CHM: variants seen among roughly 807,000 people sequenced by gnomAD.
CHM encodes CHM Rab escort protein, also known as rab proteins geranylgeranyltransferase component A 1.
Under a neutral mutation model 49.0 loss-of-function variants are expected in CHM, and 10 were observed. The observed-to-expected ratio is 0.20, with a 90% CI of 0.13 to 0.35. The LOEUF (loss-of-function observed/expected upper bound fraction) is 0.35, where lower values mean the gene tolerates loss of function less well. Ranked by LOEUF, CHM falls within the 10% of genes least tolerant of loss-of-function variation. The pLI is 1.00. For synonymous variants in CHM, 184 were observed against 167.5 expected (o/e 1.10, Z -0.76); for missense variants, 455 against 478.4 (o/e 0.95, Z 0.46).
intron 2 of CHM, among the ~76,000 whole-genome samples, chrX:85,983,731 A>G (rs573817818): frequency 1.8e-5 from 2 of 112,163 alleles, no homozygotes; most frequent in African/African-American, 6.5e-5. Context: ...ATATATAAGT[A>G]ATAAATATAT....
At chrX:85,911,758 T>A (rs1163627426) in intron 8 of CHM, among the ~76,000 whole-genome samples, 1 of 111,386 alleles carries the variant, frequency 9.0e-6, no homozygotes. Context: ...TCCTAGATAT[T>A]TTACTTACAA....
At chrX:85,994,427 G>A (rs1348368290) in intron 2 of CHM, among the ~76,000 whole-genome samples, 2 of 111,388 alleles carry the variant, frequency 1.8e-5, no homozygotes, top group African/African-American at 6.5e-5. Flanking sequence ...GAAGGAAGAA[G>A]ACAAACAGAA....
chrX:85,941,122 G>A (rs760811379), intron 8 of CHM, among the ~76,000 whole-genome samples: 44 of 111,628 alleles, frequency 3.9e-4, no homozygotes, highest in Non-Finnish European at 6.8e-4. Flanking sequence ...TGAATTAAAT[G>A]GAAAGAAATG....
intron 2 of CHM, among the ~76,000 whole-genome samples, chrX:86,008,726 T>C (rs938544924): frequency 1.8e-5 from 2 of 111,481 alleles, no homozygotes; most frequent in Admixed American, 9.6e-5. Flanking sequence ...TTTTAAGCCA[T>C]ATGGTCTCTG....
chrX:86,014,478 A>G (rs368957535), intron 2 of CHM, among the ~76,000 whole-genome samples: 7 of 112,564 alleles, frequency 6.2e-5, no homozygotes, highest in East Asian at 2.8e-4. Flanking sequence ...AAAAGCAATA[A>G]AAGAAGCCAG....
intron 2 of CHM, among the ~76,000 whole-genome samples, chrX:86,014,273 C>T (rs189035226): frequency 1.8e-3 from 204 of 111,478 alleles, no homozygotes; most frequent in African/African-American, 6.3e-3. Context: ...CACTTTCCTC[C>T]CAATAAAAGG....
At chrX:85,924,727 G>A (rs1008339913) in intron 8 of CHM, among the ~76,000 whole-genome samples, 5 of 111,928 alleles carry the variant, frequency 4.5e-5, no homozygotes, top group African/African-American at 1.6e-4. Flanking sequence ...TGTAGTACAA[G>A]TATCTGAGTC....
chrX:85,999,879 T>C (rs1308985260), intron 2 of CHM, among the ~76,000 whole-genome samples: 1 of 112,060 alleles, frequency 8.9e-6, no homozygotes, highest in Non-Finnish European at 1.9e-5. Flanking sequence ...AGTGACTATT[T>C]TGAATAAGAT....
chrX:86,015,726 CAA>C (rs957345461), intron 2 of CHM, among the ~76,000 whole-genome samples: 2 of 112,407 alleles, frequency 1.8e-5, no homozygotes, highest in Non-Finnish European at 3.8e-5. Context: ...TATGTTTTAG[CAA>C]AGAGACTGGT....
At chrX:85,910,370 A>G (rs187766998) in intron 9 of CHM, among the ~76,000 whole-genome samples, 2 of 111,520 alleles carry the variant, frequency 1.8e-5, no homozygotes, top group Admixed American at 1.9e-4. Flanking sequence ...ATACTCCTAA[A>G]AACAATCATC....
intron 9 of CHM, among the ~76,000 whole-genome samples, chrX:85,904,900 A>C (rs1425612541): frequency 1.8e-5 from 2 of 111,807 alleles, no homozygotes; most frequent in Non-Finnish European, 3.8e-5. Context: ...CTTTTAATAA[A>C]TACTTAATTG....
intron 8 of CHM, among the ~76,000 whole-genome samples, chrX:85,934,302 T>TC: frequency 1.0e-5 from 1 of 98,754 alleles, no homozygotes; most frequent in African/African-American, 4.1e-5. Context: ...TTTTTTTTTT[T>TC]TTTAGGGCAC....
chrX:86,041,717 G>GGTGT (rs1418595129), intron 1 of CHM, among the ~76,000 whole-genome samples: 5 of 56,288 alleles, frequency 8.9e-5, no homozygotes, highest in African/African-American at 3.0e-4. Context: ...TTATATATAT[G>GGTGT]GTGTGTGTGT....
chrX:86,028,477 G>A (rs146795185), intron 1 of CHM, among the ~76,000 whole-genome samples: 1,353 of 111,458 alleles, frequency 0.012, 8 homozygotes, highest in Non-Finnish European at 0.019. Context: ...TTTTGCTTTT[G>A]ACCAATATAG....
intron 8 of CHM, among the ~76,000 whole-genome samples, chrX:85,913,585 C>G (rs913254791): frequency 8.2e-5 from 9 of 109,848 alleles, no homozygotes; most frequent in African/African-American, 3.0e-4. Flanking sequence ...CCCCTAGTGG[C>G]CCGAGAAGAA....
At chrX:85,878,562 C>T (rs1454412590) in intron 13 of CHM, among the ~76,000 whole-genome samples, 3 of 110,443 alleles carry the variant, frequency 2.7e-5, no homozygotes, top group African/African-American at 9.9e-5. Flanking sequence ...AATCTTTTTT[C>T]CTTAAAGGAA....
At chrX:85,951,342 G>A (rs1336066024) in intron 8 of CHM, among the ~76,000 whole-genome samples, 1 of 110,818 alleles carries the variant, frequency 9.0e-6, no homozygotes, top group East Asian at 2.8e-4. Flanking sequence ...GAAAAACAGA[G>A]AGAGGTCGTA....
intron 13 of CHM, among the ~76,000 whole-genome samples, chrX:85,875,563 T>C (rs1190415336): frequency 9.0e-6 from 1 of 111,237 alleles, no homozygotes; most frequent in African/African-American, 3.3e-5. Flanking sequence ...AGGGATAGAG[T>C]AAACTATGTT....
At chrX:85,871,279 C>G (rs1167250443) in intron 14 of CHM, among the ~76,000 whole-genome samples, 1 of 89,053 alleles carries the variant, frequency 1.1e-5, no homozygotes, top group African/African-American at 4.6e-5. Context: ...TGCACTCCAG[C>G]CTGGGTGACA....
Sources: gnomAD v4.1 joint callset for allele counts (sites outside exome capture counted in the v4.1 genomes callset) on GRCh38, gnomAD v4.1.1 for gene constraint, MANE v1.5 for transcripts, NCBI Gene and HGNC (gene_info 2026-07-23, HGNC 2026-07-21) for gene names.